EYS: variants seen among roughly 807,000 people sequenced by gnomAD.
EYS encodes protein eyes shut homolog.
EYS carries 250 observed loss-of-function variants against 282.1 expected under a neutral mutation model. That is an observed-to-expected ratio of 0.89 (90% CI 0.80 to 0.98). The LOEUF is 0.98. Ranked by LOEUF, EYS falls within the 50% of genes least tolerant of loss-of-function variation. EYS has a pLI of 0.00. For synonymous variants in EYS, 1,355 were observed against 1,282.9 expected (o/e 1.06, Z -1.20); for missense variants, 4,016 against 3,709.0 (o/e 1.08, Z -2.15).
Position 65,184,888 on chromosome 6 carries a change from A to G in EYS, c.2023+110975T>C, listed in dbSNP as rs564187911. Reference sequence around the variant, plus strand: ...TAAAATATGATAAAACGTTTGGATAAAGATGTGAAGACACTAATGTCTGGC... The same window carrying G: ...TAAAATATGATAAAACGTTTGGATAGAGATGTGAAGACACTAATGTCTGGC... On this transcript the variant is annotated intron_variant, in intron 12 of 42. Coordinates refer to ENST00000503581, the MANE Select transcript of EYS (RefSeq NM_001142800.2). Among the ~76,000 whole-genome samples, 43 of 151,810 alleles carry G rather than the reference A, an allele frequency of 2.8e-4. 1 individual carries two copies. In the South Asian group the frequency reaches 8.9e-3, roughly 31 times the overall value.
chr6:63,828,847 A>C (rs750015358), intron 36 of EYS, among the ~76,000 whole-genome samples: 9 of 152,194 alleles, frequency 5.9e-5, no homozygotes, highest in Non-Finnish European at 1.2e-4. Flanking sequence ...GAATACTTCT[A>C]CACTGCTGGT....
intron 22 of EYS, among the ~76,000 whole-genome samples, chr6:64,787,672 G>T (rs1004763565): frequency 6.7e-6 from 1 of 149,860 alleles, no homozygotes; most frequent in Non-Finnish European, 1.5e-5. Flanking sequence ...AGAATCAGAT[G>T]TAAACTAATA....
chr6:63,761,686 G>A (rs1769645367), intron 41 of EYS, among the ~76,000 whole-genome samples: 1 of 151,994 alleles, frequency 6.6e-6, no homozygotes, highest in African/African-American at 2.4e-5. Context: ...GGAAGAGAGA[G>A]CTAAAGCTTC....
chr6:65,524,756 A>G (rs1767493729), intron 2 of EYS, among the ~76,000 whole-genome samples: 3 of 152,208 alleles, frequency 2.0e-5, no homozygotes, highest in South Asian at 2.1e-4. Flanking sequence ...CATGAATGGT[A>G]GTTCTAGCAG....
intron 35 of EYS, among the ~76,000 whole-genome samples, chr6:63,885,098 T>G (rs148290649): frequency 1.8e-3 from 280 of 152,306 alleles, no homozygotes; most frequent in African/African-American, 6.5e-3. Context: ...TATTATATCC[T>G]CCCATATTTT....
At chr6:65,614,882 A>AC (rs1228982979) in intron 2 of EYS, among the ~76,000 whole-genome samples, 3 of 60,426 alleles carry the variant, frequency 5.0e-5, no homozygotes, top group African/African-American at 1.9e-4. Context: ...TTATCAATAA[A>AC]GTTATAGACA....
At chr6:64,018,225 T>C (rs1339383640) in intron 33 of EYS, among the ~76,000 whole-genome samples, 3 of 152,168 alleles carry the variant, frequency 2.0e-5, no homozygotes, top group South Asian at 4.1e-4. Context: ...GGATATTTCA[T>C]TTGAAAACGT....
At chr6:64,589,599 G>T (rs969389102) in intron 26 of EYS, among the ~76,000 whole-genome samples, 1 of 151,990 alleles carries the variant, frequency 6.6e-6, no homozygotes, top group Non-Finnish European at 1.5e-5. Flanking sequence ...TGTTATATGA[G>T]AAAACTGGCT....
chr6:63,790,637 C>G (rs1272810000), intron 37 of EYS, among the ~76,000 whole-genome samples: 1 of 152,112 alleles, frequency 6.6e-6, no homozygotes, highest in Non-Finnish European at 1.5e-5. Flanking sequence ...TTCAATGTTT[C>G]AAGAGAAAAC....
At chr6:65,208,438 A>AT (rs1162916398) in intron 12 of EYS, among the ~76,000 whole-genome samples, 1 of 151,808 alleles carries the variant, frequency 6.6e-6, no homozygotes, top group Non-Finnish European at 1.5e-5. Context: ...TGATCCAGCA[A>AT]TATTACTTCA....
intron 5 of EYS, among the ~76,000 whole-genome samples, chr6:65,453,401 A>C (rs1170846244): frequency 6.6e-6 from 1 of 151,986 alleles, no homozygotes; most frequent in Non-Finnish European, 1.5e-5. Flanking sequence ...CTTAATTGAC[A>C]CATTGTAATT....
At chr6:64,813,664 T>G in intron 21 of EYS, 87 bp from the exon 22 acceptor site, 1 of 805,500 alleles carries the variant, frequency 1.2e-6, no homozygotes, top group Non-Finnish European at 1.8e-6. Flanking sequence ...AAACATAATC[T>G]AAAAAACTGA....
intron 5 of EYS, among the ~76,000 whole-genome samples, chr6:65,468,119 A>G (rs930756450): frequency 3.9e-5 from 6 of 152,084 alleles, no homozygotes; most frequent in Admixed American, 2.6e-4. Context: ...CCTCCTGAGC[A>G]CTCCTATGAC....
chr6:64,895,804 C>T (rs1228331238), intron 18 of EYS, among the ~76,000 whole-genome samples: 1 of 151,914 alleles, frequency 6.6e-6, no homozygotes, highest in Non-Finnish European at 1.5e-5. Context: ...ACTTTACACC[C>T]ATACTCATAC....
intron 12 of EYS, among the ~76,000 whole-genome samples, chr6:65,217,738 G>A (rs1471518367): frequency 6.6e-6 from 1 of 152,040 alleles, no homozygotes; most frequent in East Asian, 1.9e-4. Context: ...TGGAGCTAGG[G>A]ATGTCAAAGT....
At chr6:64,140,139 T>C (rs1007664477) in intron 31 of EYS, among the ~76,000 whole-genome samples, 1 of 152,160 alleles carries the variant, frequency 6.6e-6, no homozygotes, top group Non-Finnish European at 1.5e-5. Context: ...GTAATTAATA[T>C]GAAAAACAGA....
At chr6:64,466,434 C>A (rs779235249) in intron 26 of EYS, among the ~76,000 whole-genome samples, 3 of 152,016 alleles carry the variant, frequency 2.0e-5, no homozygotes, top group Non-Finnish European at 2.9e-5. Context: ...AAAGGAAGAA[C>A]CCCTGTCATT....
intron 29 of EYS, among the ~76,000 whole-genome samples, chr6:64,335,092 G>T (rs889097433): frequency 6.6e-6 from 1 of 152,018 alleles, no homozygotes; most frequent in Non-Finnish European, 1.5e-5. Flanking sequence ...CACTCAAGAA[G>T]AAATAGCTAA....
chr6:64,104,667 C>T (rs1367909852), intron 31 of EYS, among the ~76,000 whole-genome samples: 1 of 151,272 alleles, frequency 6.6e-6, no homozygotes, highest in Non-Finnish European at 1.5e-5. Context: ...ACTTTTTACT[C>T]CTTCAAAAGA....
Sources: allele counts gnomAD v4.1 joint callset (sites outside exome capture counted in the v4.1 genomes callset), GRCh38; gene constraint gnomAD v4.1.1; transcripts MANE v1.5; gene names NCBI Gene and HGNC (gene_info 2026-07-23, HGNC 2026-07-21).